CNTNAP2: variants seen among roughly 807,000 people sequenced by gnomAD.
CNTNAP2 encodes the protein contactin associated protein 2, also known as contactin-associated protein-like 2.
In CNTNAP2, 98 loss-of-function variants were observed where a neutral mutation model predicts 155.2. The ratio of observed to expected loss-of-function variants is 0.63; its 90% CI spans 0.54 to 0.75. The LOEUF (loss-of-function observed/expected upper bound fraction) is 0.75, where lower values mean the gene tolerates loss of function less well. CNTNAP2 is among the 30% of genes least tolerant of loss of function. The pLI, the probability that CNTNAP2 is intolerant of heterozygous loss-of-function variation, is 0.00. For synonymous variants in CNTNAP2, 651 were observed against 631.2 expected, an observed-to-expected ratio of 1.03 and a Z score of -0.47; for missense variants, 1,727 against 1,688.1, an observed-to-expected ratio of 1.02 and a Z score of -0.40.
chr7:146,367,938 T>A (rs1795178634), intron 1 of CNTNAP2, among the ~76,000 whole-genome samples: 2 of 152,128 alleles, frequency 1.3e-5, no homozygotes, highest in Admixed American at 1.3e-4. Flanking sequence ...TGGCCAGTGT[T>A]CTCTACCATC....
chr7:147,455,560 T>TAA (rs921934606), intron 10 of CNTNAP2, among the ~76,000 whole-genome samples: 39 of 152,212 alleles, frequency 2.6e-4, no homozygotes, highest in African/African-American at 8.7e-4. Context: ...CTTTGGAAGC[T>TAA]AGAATAACAT....
Position 147,470,915 on chromosome 7 carries a change from G to A in CNTNAP2, c.1671-15020G>A, listed in dbSNP as rs113702759. On this transcript the variant is annotated intron_variant, in intron 10 of 23. Coordinates refer to ENST00000361727, the MANE Select transcript of CNTNAP2 (RefSeq NM_014141.6). Reference sequence around the variant, plus strand: ...CCAAGGTCGAGCTCGGGGGCACACCGATGTTTTATCAAAATTCAGGGAAAT... The same window carrying A: ...CCAAGGTCGAGCTCGGGGGCACACCAATGTTTTATCAAAATTCAGGGAAAT... Among the ~76,000 whole-genome samples, 32 of 152,204 alleles carry A rather than the reference G, an allele frequency of 2.1e-4. 1 individual carries two copies. The highest frequency in any genetic ancestry group is 2.1e-3 in the South Asian group (10 of 4,808).
chr7:147,288,985 T>C (rs1252281677), intron 8 of CNTNAP2, among the ~76,000 whole-genome samples: 1 of 152,144 alleles, frequency 6.6e-6, no homozygotes, highest in Non-Finnish European at 1.5e-5. Context: ...TGTCTCTCAA[T>C]AGTATCAGGT....
At chr7:147,176,976 A>AAATTATAGATATAATTCTATATCTAT (rs1488950465) in intron 8 of CNTNAP2, among the ~76,000 whole-genome samples, 21 of 139,436 alleles carry the variant, frequency 1.5e-4, no homozygotes, top group African/African-American at 5.3e-4. Flanking sequence ...TCTATATATA[A>AAATTATAGATATAATTCTATATCTAT]AATTATAGAT....
intron 1 of CNTNAP2, among the ~76,000 whole-genome samples, chr7:146,557,302 A>T (rs1158944553): frequency 6.6e-6 from 1 of 151,984 alleles, no homozygotes; most frequent in Non-Finnish European, 1.5e-5. Context: ...TATGTACTAT[A>T]TTGTTACCCT....
At chr7:146,676,721 A>T (rs1800404605) in intron 1 of CNTNAP2, among the ~76,000 whole-genome samples, 1 of 152,200 alleles carries the variant, frequency 6.6e-6, no homozygotes, top group African/African-American at 2.4e-5. Context: ...CTCATCTTAC[A>T]TGGTGGCAGG....
chr7:147,895,869 A>G (rs2116738214), intron 13 of CNTNAP2, among the ~76,000 whole-genome samples: 1 of 152,374 alleles, frequency 6.6e-6, no homozygotes, highest in South Asian at 2.1e-4. Flanking sequence ...ATTTAACCAA[A>G]TTAGCCAATG....
intron 3 of CNTNAP2, among the ~76,000 whole-genome samples, chr7:146,881,198 T>C (rs1349692569): frequency 6.6e-6 from 1 of 152,144 alleles, no homozygotes; most frequent in East Asian, 1.9e-4. Flanking sequence ...ATCTTAGGTA[T>C]TTTAACCTAC....
intron 1 of CNTNAP2, among the ~76,000 whole-genome samples, chr7:146,495,552 ATTTT>A (rs57676970): frequency 1.0e-4 from 14 of 133,410 alleles, no homozygotes; most frequent in Admixed American, 2.9e-4. Flanking sequence ...CTAACAGGTC[ATTTT>A]TTTTTTTTTT....
chr7:147,503,264 C>T (rs548971712), intron 11 of CNTNAP2, among the ~76,000 whole-genome samples: 1 of 152,252 alleles, frequency 6.6e-6, no homozygotes, highest in South Asian at 2.1e-4. Context: ...CACACAGCCA[C>T]GTTCCCTGGG....
At chr7:147,060,121 A>G (rs1270348437) in intron 4 of CNTNAP2, among the ~76,000 whole-genome samples, 1 of 152,126 alleles carries the variant, frequency 6.6e-6, no homozygotes, top group African/African-American at 2.4e-5. Flanking sequence ...TAAAAATAAG[A>G]GCGATTATGT....
chr7:147,921,190 A>G (rs1052545199), intron 14 of CNTNAP2, among the ~76,000 whole-genome samples: 9 of 152,170 alleles, frequency 5.9e-5, no homozygotes, highest in Admixed American at 3.3e-4. Context: ...ATAATAATGA[A>G]TTAAAGAGGA....
intron 1 of CNTNAP2, among the ~76,000 whole-genome samples, chr7:146,538,978 AG>A (rs1175039189): frequency 1.3e-5 from 2 of 152,218 alleles, no homozygotes; most frequent in Admixed American, 6.5e-5. Flanking sequence ...AACAATTAAC[AG>A]GGGGTAATGA....
intron 1 of CNTNAP2, among the ~76,000 whole-genome samples, chr7:146,699,491 G>A (rs1368289587): frequency 2.6e-5 from 4 of 152,074 alleles, no homozygotes; most frequent in African/African-American, 9.7e-5. Context: ...AGTGAGCCTG[G>A]GCCCCTGGGT....
At chr7:146,483,328 T>TATATATAC (rs1459820598) in intron 1 of CNTNAP2, among the ~76,000 whole-genome samples, 22 of 81,528 alleles carry the variant, frequency 2.7e-4, no homozygotes, top group East Asian at 5.6e-4. Flanking sequence ...TATATATATA[T>TATATATAC]ACATATATAT....
intron 1 of CNTNAP2, among the ~76,000 whole-genome samples, chr7:146,643,377 T>C (rs1305480987): frequency 2.6e-5 from 4 of 151,870 alleles, no homozygotes; most frequent in Non-Finnish European, 4.4e-5. Flanking sequence ...TTTCTACATA[T>C]GGCTAGCCAG....
chr7:148,186,743 G>GT (rs1795121980), intron 18 of CNTNAP2, among the ~76,000 whole-genome samples: 1 of 152,178 alleles, frequency 6.6e-6, no homozygotes, highest in African/African-American at 2.4e-5. Flanking sequence ...CCTGGCCTAA[G>GT]TTTGACACAA....
intron 8 of CNTNAP2, among the ~76,000 whole-genome samples, chr7:147,213,907 G>C (rs1803209257): frequency 6.6e-6 from 1 of 152,074 alleles, no homozygotes; most frequent in Admixed American, 6.6e-5. Context: ...CAGGAGAAGA[G>C]TATATCCCAG....
chr7:146,705,904 T>G (rs1236641204), intron 1 of CNTNAP2, among the ~76,000 whole-genome samples: 2 of 152,090 alleles, frequency 1.3e-5, no homozygotes, highest in Non-Finnish European at 2.9e-5. Context: ...TCCAACTCAT[T>G]CTTAGGATTA....
Sources: allele counts gnomAD v4.1 joint callset (sites outside exome capture counted in the v4.1 genomes callset), GRCh38; gene constraint gnomAD v4.1.1; transcripts MANE v1.5; gene names NCBI Gene and HGNC (gene_info 2026-07-23, HGNC 2026-07-21).